RIGI: variants seen among roughly 807,000 people sequenced by gnomAD.
RIGI encodes the protein antiviral innate immune response receptor RIG-I.
chr9:32,486,915 G>A, the RIGI span, among the ~76,000 whole-genome samples: 27 of 152,180 alleles, frequency 1.8e-4, no homozygotes, highest in African/African-American at 6.5e-4. Flanking sequence ...CAGAAATACA[G>A]TCACATACTA....
the RIGI span, among the ~76,000 whole-genome samples, chr9:32,508,258 T>TTTTTTA: frequency 7.2e-6 from 1 of 138,046 alleles, no homozygotes; most frequent in East Asian, 2.2e-4. Context: ...TTTTTTTTTT[T>TTTTTTA]ACTATATGAA....
the RIGI span, among the ~76,000 whole-genome samples, chr9:32,467,001 G>T: frequency 1.3e-5 from 2 of 152,168 alleles, no homozygotes; most frequent in African/African-American, 2.4e-5. Flanking sequence ...CTATTACAAA[G>T]ACAGATATAA....
chr9:32,505,653 A>G, the RIGI span, among the ~76,000 whole-genome samples: 2 of 152,164 alleles, frequency 1.3e-5, no homozygotes, highest in African/African-American at 2.4e-5. Context: ...GTATAAATAT[A>G]TAGTTTTAAA....
chr9:32,487,486 A>G, the RIGI span: 1 of 1,614,160 alleles, frequency 6.2e-7, no homozygotes, highest in Non-Finnish European at 8.5e-7. Flanking sequence ...TGGGGCTTAT[A>G]AACAACTTGC....
chr9:32,508,359 A>T, the RIGI span, among the ~76,000 whole-genome samples: 5 of 150,752 alleles, frequency 3.3e-5, no homozygotes, highest in African/African-American at 1.2e-4. Context: ...AGAGATCAAC[A>T]CAGAAGGCGG....
chr9:32,493,760 C>A, the RIGI span: 1 of 1,541,026 alleles, frequency 6.5e-7, no homozygotes, highest in Non-Finnish European at 8.8e-7. Context: ...TATTAACTTA[C>A]CTGTAGAATT....
At chr9:32,508,643 G>C in the RIGI span, among the ~76,000 whole-genome samples, 1 of 152,062 alleles carries the variant, frequency 6.6e-6, no homozygotes, top group African/African-American at 2.4e-5. Context: ...ATGCCACCAG[G>C]GATCTGGGTT....
the RIGI span, chr9:32,467,792 C>T: frequency 5.6e-6 from 9 of 1,601,466 alleles, no homozygotes; most frequent in East Asian, 1.8e-4. Context: ...ATGACATTGC[C>T]CACATACTCA....
chr9:32,521,162 A>AAAAAAAAAAAAAAAAAT, the RIGI span, among the ~76,000 whole-genome samples: 2 of 147,914 alleles, frequency 1.4e-5, no homozygotes, highest in South Asian at 2.1e-4. Flanking sequence ...AAAAAAAAAA[A>AAAAAAAAAAAAAAAAAT]CTTCACAGAA....
the RIGI span, among the ~76,000 whole-genome samples, chr9:32,471,134 T>C: frequency 1.5e-3 from 221 of 152,374 alleles, 2 homozygotes; most frequent in Admixed American, 2.2e-3. Flanking sequence ...GGTGTGCACC[T>C]GTAATCCCAG....
At chr9:32,471,990 G>A in the RIGI span, among the ~76,000 whole-genome samples, 12 of 152,202 alleles carry the variant, frequency 7.9e-5, no homozygotes, top group African/African-American at 2.6e-4. Flanking sequence ...CACTAAATAG[G>A]AAGACTTGTC....
chr9:32,504,550 T>C, the RIGI span, among the ~76,000 whole-genome samples: 1 of 151,640 alleles, frequency 6.6e-6, no homozygotes, highest in Non-Finnish European at 1.5e-5. Flanking sequence ...TGGTGGCCAG[T>C]GCCTATAATC....
chr9:32,488,406 ATTATT>A, the RIGI span, among the ~76,000 whole-genome samples: 11 of 152,332 alleles, frequency 7.2e-5, no homozygotes, highest in Admixed American at 3.9e-4. Context: ...AGTACTATAT[ATTATT>A]TTAAGTCACT....
chr9:32,475,981 AT>A, the RIGI span, among the ~76,000 whole-genome samples: 1 of 152,102 alleles, frequency 6.6e-6, no homozygotes, highest in Non-Finnish European at 1.5e-5. Flanking sequence ...ATCAGATGAT[AT>A]ACCAATCTTT....
the RIGI span, among the ~76,000 whole-genome samples, chr9:32,496,509 C>G: frequency 6.6e-6 from 1 of 152,176 alleles, no homozygotes; most frequent in African/African-American, 2.4e-5. Flanking sequence ...CTCATCATTT[C>G]TTTTGCCCTT....
chr9:32,496,933 A>G, the RIGI span, among the ~76,000 whole-genome samples: 1 of 152,204 alleles, frequency 6.6e-6, no homozygotes, highest in Non-Finnish European at 1.5e-5. Flanking sequence ...TGGCAGTGCC[A>G]CATCATTTTG....
chr9:32,462,995 A>G, the RIGI span, among the ~76,000 whole-genome samples: 1 of 152,170 alleles, frequency 6.6e-6, no homozygotes, highest in Admixed American at 6.5e-5. Flanking sequence ...CATCTCTACT[A>G]AAACTACAAA....
chr9:32,515,867 A>AT, the RIGI span, among the ~76,000 whole-genome samples: 1 of 151,506 alleles, frequency 6.6e-6, no homozygotes, highest in East Asian at 1.9e-4. Flanking sequence ...GGTTTCCGTG[A>AT]TGCCTCCTTG....
chr9:32,472,756 T>C, the RIGI span, among the ~76,000 whole-genome samples: 16 of 152,344 alleles, frequency 1.1e-4, no homozygotes, highest in African/African-American at 3.6e-4. Flanking sequence ...TGTGGACACA[T>C]ATACAACACA....
Sources: gnomAD v4.1 joint callset for allele counts (sites outside exome capture counted in the v4.1 genomes callset) on GRCh38, gnomAD v4.1.1 for gene constraint, MANE v1.5 for transcripts, NCBI Gene and HGNC (gene_info 2026-07-23, HGNC 2026-07-21) for gene names.